Variants in KLHL29 observed in about 807,000 individuals in gnomAD.
KLHL29 encodes the protein kelch-like protein 29.
Under a neutral mutation model 80.4 loss-of-function variants are expected in KLHL29, and 21 were observed. That is an observed-to-expected ratio of 0.26 (90% CI 0.19 to 0.38). The LOEUF is 0.38. Among genes scored for constraint, KLHL29 ranks in the 10% least tolerant of loss-of-function variants. The pLI, the probability that KLHL29 is intolerant of heterozygous loss-of-function variation, is 1.00. For missense variants in KLHL29, 867 were observed against 1,223.9 expected, an observed-to-expected ratio of 0.71 and a Z score of 4.35; for synonymous variants, 511 against 526.8, an observed-to-expected ratio of 0.97 and a Z score of 0.41.
At chr2:23,442,119 G>A (rs777127337) in intron 1 of KLHL29, among the ~76,000 whole-genome samples, 15 of 151,976 alleles carry the variant, frequency 9.9e-5, no homozygotes, top group Non-Finnish European at 1.5e-4. Context: ...TTTGAGACAG[G>A]GTCTTGTAGG....
intron 1 of KLHL29, among the ~76,000 whole-genome samples, chr2:23,420,546 G>A (rs767438002): frequency 2.2e-4 from 34 of 152,162 alleles, no homozygotes; most frequent in African/African-American, 7.2e-4. Context: ...AGATTCTGCC[G>A]CACCTTTCTT....
chr2:23,613,075 A>G (rs975259413), intron 3 of KLHL29, among the ~76,000 whole-genome samples: 24 of 152,332 alleles, frequency 1.6e-4, no homozygotes, highest in Middle Eastern at 3.4e-3. Flanking sequence ...TCAATAAGTC[A>G]AGGATGAGGG....
chr2:23,604,002 G>T (rs732747), intron 3 of KLHL29, among the ~76,000 whole-genome samples: 1 of 152,018 alleles, frequency 6.6e-6, no homozygotes, highest in Non-Finnish European at 1.5e-5. Flanking sequence ...CTGGGTACTG[G>T]GTGCACAGTT....
chr2:23,552,752 G>A (rs956417570), intron 2 of KLHL29, among the ~76,000 whole-genome samples: 2 of 67,988 alleles, frequency 2.9e-5, no homozygotes, highest in African/African-American at 8.2e-5. Context: ...TATAGCTCTG[G>A]TTTCTTTTCT....
At chr2:23,446,855 A>G (rs761540995) in intron 1 of KLHL29, among the ~76,000 whole-genome samples, 1 of 152,234 alleles carries the variant, frequency 6.6e-6, no homozygotes, top group Admixed American at 6.5e-5. Context: ...AGGGAATCAC[A>G]TAAGACTGAT....
At chr2:23,525,170 G>A (rs1572377740) in intron 2 of KLHL29, among the ~76,000 whole-genome samples, 1 of 152,288 alleles carries the variant, frequency 6.6e-6, no homozygotes, top group Non-Finnish European at 1.5e-5. Flanking sequence ...GTCTCGGCAC[G>A]TAGGAGGGAG....
At chr2:23,602,022 C>T (rs115136401) in intron 3 of KLHL29, among the ~76,000 whole-genome samples, 6,854 of 152,174 alleles carry the variant, frequency 0.045, 500 homozygotes, top group African/African-American at 0.15. Context: ...GGAGCAGAAT[C>T]CAGTGGCTAT....
At chr2:23,671,603 A>G (rs569921904) in intron 5 of KLHL29, among the ~76,000 whole-genome samples, 71 of 152,136 alleles carry the variant, frequency 4.7e-4, no homozygotes, top group Non-Finnish European at 8.4e-4. Flanking sequence ...GTGGGTCTGC[A>G]GCTTTGGAAG....
intron 5 of KLHL29, among the ~76,000 whole-genome samples, chr2:23,671,146 A>G (rs1052243500): frequency 6.6e-6 from 1 of 151,598 alleles, no homozygotes; most frequent in African/African-American, 2.4e-5. Flanking sequence ...CTAGGTAACT[A>G]AACTGATTGT....
At chr2:23,473,963 T>A (rs957025019) in intron 1 of KLHL29, among the ~76,000 whole-genome samples, 1 of 152,156 alleles carries the variant, frequency 6.6e-6, no homozygotes, top group Non-Finnish European at 1.5e-5. Flanking sequence ...TCTTGAAGTG[T>A]GTGCTCAAAT....
rs538335795 is a variant in KLHL29 at position 23,413,987 on chromosome 2, C to T, written c.-154+28207C>T. Among the ~76,000 whole-genome samples the T allele has an allele frequency of 1.1e-4, 17 of 152,346 alleles. No individual in the cohort carries two copies. The South Asian group carries it at 2.7e-3, about 24-fold the overall frequency. On this transcript the variant is annotated intron_variant, in intron 1 of 13. Coordinates refer to ENST00000486442, the MANE Select transcript of KLHL29 (RefSeq NM_052920.2). ...GAAAAGAGGCTGCTGTTCTCACAGA[C>T]GTCTGTGAACCCCATGCCTGAGCTT...
At chr2:23,701,077 T>G (rs888275268) in intron 11 of KLHL29, among the ~76,000 whole-genome samples, 4 of 152,218 alleles carry the variant, frequency 2.6e-5, no homozygotes, top group Admixed American at 1.3e-4. Context: ...CCACAAATAC[T>G]GTAAACTTCC....
chr2:23,654,186 A>G (rs954184731), intron 5 of KLHL29, among the ~76,000 whole-genome samples: 1 of 151,934 alleles, frequency 6.6e-6, no homozygotes, highest in African/African-American at 2.4e-5. Context: ...ATTTAAAAAA[A>G]AAAACTAAAT....
At chr2:23,426,839 CG>C (rs1212292398) in intron 1 of KLHL29, among the ~76,000 whole-genome samples, 2 of 152,168 alleles carry the variant, frequency 1.3e-5, no homozygotes, top group Admixed American at 6.6e-5. Flanking sequence ...TGTGTTCTAG[CG>C]GGGGGTGATA....
At chr2:23,525,493 C>A (rs1666274728) in intron 2 of KLHL29, among the ~76,000 whole-genome samples, 3 of 152,258 alleles carry the variant, frequency 2.0e-5, no homozygotes, top group African/African-American at 7.2e-5. Context: ...CTGGCATCTG[C>A]TCTTGCCCTG....
At chr2:23,403,415 C>G (rs1322285913) in intron 1 of KLHL29, among the ~76,000 whole-genome samples, 1 of 152,182 alleles carries the variant, frequency 6.6e-6, no homozygotes, top group Non-Finnish European at 1.5e-5. Flanking sequence ...ATCTCAGACT[C>G]ACCTTAAAGG....
intron 2 of KLHL29, among the ~76,000 whole-genome samples, chr2:23,548,994 C>T (rs1319289855): frequency 2.0e-5 from 3 of 152,216 alleles, no homozygotes; most frequent in Non-Finnish European, 4.4e-5. Flanking sequence ...GCCTGCCTCC[C>T]CAAGCTGCTG....
intron 2 of KLHL29, among the ~76,000 whole-genome samples, chr2:23,517,368 C>A (rs889809756): frequency 6.6e-6 from 1 of 152,162 alleles, no homozygotes; most frequent in East Asian, 1.9e-4. Flanking sequence ...CATGGTGAAA[C>A]GCCGTCTCTA....
At chr2:23,614,511 AAATAAT>A (rs768476900) in intron 3 of KLHL29, among the ~76,000 whole-genome samples, 4 of 152,214 alleles carry the variant, frequency 2.6e-5, no homozygotes, top group African/African-American at 7.2e-5. Flanking sequence ...AAACAGACAA[AAATAAT>A]AATAATAAAG....
Sources: allele counts gnomAD v4.1 joint callset (sites outside exome capture counted in the v4.1 genomes callset), GRCh38; gene constraint gnomAD v4.1.1; transcripts MANE v1.5; gene names NCBI Gene and HGNC (gene_info 2026-07-23, HGNC 2026-07-21).